PCDH11X: variants seen among roughly 807,000 people sequenced by gnomAD.
The protein encoded by PCDH11X is protocadherin 11 X-linked.
A neutral mutation model predicts 53.3 loss-of-function variants in PCDH11X; 18 were observed. That is an observed-to-expected ratio of 0.34 (90% CI 0.23 to 0.50). PCDH11X has a LOEUF of 0.50. PCDH11X is among the 20% of genes least tolerant of loss of function. The pLI is 0.98. For missense variants in PCDH11X, 570 were observed against 1,032.4 expected, an observed-to-expected ratio of 0.55 and a Z score of 6.14; for synonymous variants, 279 against 393.3, an observed-to-expected ratio of 0.71 and a Z score of 3.44.
At position 92,277,697 on chromosome X, in the gene PCDH11X, G is replaced by A. The variant is rs139744482; in HGVS notation, c.3144+14554G>A. ...GCATGGAAATAAGGGGTCAGGGCAC[G>A]GAAATAAGGGGTCGGGGCATGGAAA... On this transcript the variant is annotated intron_variant, in intron 8 of 10. Transcript: ENST00000682573. 2.5e-3 allele frequency among the ~76,000 whole-genome samples: 273 copies of A among 109,051 alleles called. 3 individuals are homozygous for A. Among genetic ancestry groups the A allele is most frequent in the African/African-American group, 7.9e-3 (236 of 29,907 alleles). 94.7% of individuals were successfully genotyped at this position (109,051 alleles called of 115,157 possible). A position where few individuals can be genotyped will look rare whatever the true frequency, so the allele number is the denominator to read the frequency against.
At chrX:92,350,141 T>C (rs2070008293) in intron 8 of PCDH11X, among the ~76,000 whole-genome samples, 1 of 110,095 alleles carries the variant, frequency 9.1e-6, no homozygotes, top group Non-Finnish European at 1.9e-5. Context: ...TCTTGTTTCA[T>C]TTTTTTGATT....
chrX:92,362,735 TTCTC>T (rs1215645920), intron 8 of PCDH11X, among the ~76,000 whole-genome samples: 2 of 48,684 alleles, frequency 4.1e-5, no homozygotes, highest in Non-Finnish European at 7.6e-5. Context: ...ATGAAGTTTT[TTCTC>T]TCTGTTTTCT....
At chrX:92,056,432 G>C (rs2759859) in intron 6 of PCDH11X, among the ~76,000 whole-genome samples, 1 of 111,308 alleles carries the variant, frequency 9.0e-6, no homozygotes, top group Admixed American at 9.6e-5. Context: ...CTGTATATTA[G>C]ACCTTTGTTG....
Position 91,868,425 on chromosome X carries a change from T to C in PCDH11X, c.541-8356T>C, listed in dbSNP as rs751368521. ...ATGTGATAGAGAAACTGAAATCTTC[T>C]TTTGGAGAAAAGGAGATTTCTGGAC... On this transcript the variant is annotated intron_variant, in intron 5 of 10. Coordinates refer to ENST00000682573, the MANE Select transcript of PCDH11X (RefSeq NM_032968.5). Among the ~76,000 whole-genome samples, 74 of 111,620 alleles carry C rather than the reference T, an allele frequency of 6.6e-4. 1 individual carries two copies. The highest frequency in any genetic ancestry group is 2.3e-3 in the African/African-American group (71 of 30,758).
chrX:92,234,410 T>A (rs2059089368), intron 7 of PCDH11X, among the ~76,000 whole-genome samples: 1 of 112,188 alleles, frequency 8.9e-6, no homozygotes, highest in Admixed American at 9.5e-5. Context: ...GGCAAAATGA[T>A]GCATTATTAA....
intron 4 of PCDH11X, among the ~76,000 whole-genome samples, chrX:91,815,054 A>G (rs1466160657): frequency 9.0e-6 from 1 of 111,097 alleles, no homozygotes; most frequent in African/African-American, 3.3e-5. Context: ...GGTAGACACA[A>G]TTGTTAACCC....
chrX:92,376,689 G>A (rs2070760925), intron 8 of PCDH11X, among the ~76,000 whole-genome samples: 1 of 111,471 alleles, frequency 9.0e-6, no homozygotes, highest in Admixed American at 9.5e-5. Context: ...CTTTCTTTAG[G>A]TAAAATAAAT....
intron 6 of PCDH11X, among the ~76,000 whole-genome samples, chrX:92,049,449 A>AT (rs1053464773): frequency 1.8e-4 from 20 of 110,232 alleles, no homozygotes; most frequent in Admixed American, 9.8e-5. Context: ...TTTGGGCAAG[A>AT]TAAAAAAAAA....
chrX:92,443,973 G>A (rs1273855481), intron 9 of PCDH11X, among the ~76,000 whole-genome samples: 1 of 110,227 alleles, frequency 9.1e-6, no homozygotes, highest in Non-Finnish European at 1.9e-5. Flanking sequence ...GATGCCTCCA[G>A]TATTTTTCTT....
intron 5 of PCDH11X, among the ~76,000 whole-genome samples, chrX:91,838,711 G>A (rs1266622324): frequency 5.3e-4 from 58 of 108,718 alleles, no homozygotes; most frequent in Non-Finnish European, 1.0e-3. Context: ...TGCAGAATAG[G>A]ATGAGAATTT....
At chrX:91,852,206 G>T (rs1406044380) in intron 5 of PCDH11X, among the ~76,000 whole-genome samples, 1 of 106,565 alleles carries the variant, frequency 9.4e-6, no homozygotes, top group Admixed American at 1.0e-4. Flanking sequence ...GTAGAGACGG[G>T]GTTTCACCAT....
chrX:92,055,284 T>C (rs1200402222), intron 6 of PCDH11X, among the ~76,000 whole-genome samples: 19 of 47,042 alleles, frequency 4.0e-4, no homozygotes, highest in Non-Finnish European at 6.5e-4. Context: ...ATTATTTCAT[T>C]ACTATGTTTC....
At chrX:91,826,246 A>G (rs188893500) in intron 4 of PCDH11X, among the ~76,000 whole-genome samples, 5 of 110,863 alleles carry the variant, frequency 4.5e-5, no homozygotes, top group Non-Finnish European at 9.4e-5. Context: ...AGGAAAAATT[A>G]TACAAACACT....
chrX:92,141,028 C>A (rs956324608), intron 6 of PCDH11X, among the ~76,000 whole-genome samples: 19 of 111,615 alleles, frequency 1.7e-4, no homozygotes, highest in African/African-American at 5.2e-4. Flanking sequence ...CAGGATCATT[C>A]TTCTCCAGTT....
intron 9 of PCDH11X, among the ~76,000 whole-genome samples, chrX:92,403,272 G>A (rs1476223127): frequency 2.0e-5 from 2 of 99,885 alleles, no homozygotes; most frequent in Admixed American, 2.5e-4. Flanking sequence ...TGTCATTACT[G>A]TGTGTTCTGA....
chrX:92,364,914 C>CAAAA (rs57977407), intron 8 of PCDH11X, among the ~76,000 whole-genome samples: 1 of 44,717 alleles, frequency 2.2e-5, no homozygotes, highest in Non-Finnish European at 4.6e-5. Flanking sequence ...ACCCTTTCTA[C>CAAAA]AAAAAAAAAA....
intron 7 of PCDH11X, among the ~76,000 whole-genome samples, chrX:92,242,001 G>A (rs777457737): frequency 9.1e-6 from 1 of 109,655 alleles, no homozygotes; most frequent in South Asian, 4.0e-4. Context: ...GGAGGCTGAG[G>A]CAGGAGAATC....
At chrX:92,088,712 T>C (rs1280245335) in intron 6 of PCDH11X, among the ~76,000 whole-genome samples, 2 of 111,520 alleles carry the variant, frequency 1.8e-5, no homozygotes, top group Admixed American at 9.6e-5. Context: ...GAATATAAAA[T>C]CCCCCAATAA....
At chrX:92,606,047 C>T (rs1393730207) in intron 10 of PCDH11X, among the ~76,000 whole-genome samples, 1 of 109,187 alleles carries the variant, frequency 9.2e-6, no homozygotes, top group African/African-American at 3.3e-5. Context: ...CCCTGACCAA[C>T]ATGGAGAAAC....
Sources: allele counts gnomAD v4.1 joint callset (sites outside exome capture counted in the v4.1 genomes callset), GRCh38; gene constraint gnomAD v4.1.1; transcripts MANE v1.5; gene names NCBI Gene and HGNC (gene_info 2026-07-23, HGNC 2026-07-21).